The following CRYBA4 variants were observed in gnomAD, a reference collection of about 807,000 sequenced individuals.
CRYBA4 encodes crystallin beta A4, also known as beta-crystallin A4.
A neutral mutation model predicts 31.7 loss-of-function variants in CRYBA4; 30 were observed. The observed-to-expected ratio is 0.95, with a 90% CI of 0.71 to 1.28. The LOEUF (loss-of-function observed/expected upper bound fraction) is 1.28, where lower values mean the gene tolerates loss of function less well. Among genes scored for constraint, CRYBA4 ranks in the 50% most tolerant of loss-of-function variants. CRYBA4 has a pLI of 0.00. For synonymous variants in CRYBA4, 102 were observed against 102.3 expected (o/e 1.00, Z 0.02); for missense variants, 225 against 260.7 (o/e 0.86, Z 0.94).
chr22:26,622,506 C>G, intron 1 of CRYBA4, 79 bp from the exon 2 acceptor site: 1 of 1,276,292 alleles, frequency 7.8e-7, no homozygotes, highest in Non-Finnish European at 1.1e-6. Context: ...GGATCCTGAC[C>G]AGGTCCAAGC....
intron 4 of CRYBA4, among the ~76,000 whole-genome samples, chr22:26,627,359 C>CCCTCCCTCCCTCCCTCCTTCCTTT (rs1404229613): frequency 2.4e-5 from 1 of 41,820 alleles, no homozygotes; most frequent in Non-Finnish European, 4.1e-5. Flanking sequence ...CTCCCTCCCT[C>CCCTCCCTCCCTCCCTCCTTCCTTT]CTTTCTTTCT....
At chr22:26,619,325 A>G (rs1929459797), upstream of CRYBA4, among the ~76,000 whole-genome samples, 1 of 152,162 alleles carries the variant, frequency 6.6e-6, no homozygotes, top group Non-Finnish European at 1.5e-5. Flanking sequence ...AGGACGGAGG[A>G]ACAGACGCCA....
At chr22:26,607,463 G>A in the CRYBA4 span, among the ~76,000 whole-genome samples, 6 of 151,726 alleles carry the variant, frequency 4.0e-5, no homozygotes, top group East Asian at 1.9e-4. Context: ...AGGCCCAGGC[G>A]GGAGGATCAC....
At chr22:26,622,773 T>C (rs1276250144) in intron 2 of CRYBA4, 138 bp downstream of exon 2, 5 of 727,250 alleles carry the variant, frequency 6.9e-6, no homozygotes, top group African/African-American at 3.5e-5. Context: ...GGGACTTGTA[T>C]GTCACATACA....
intron 5 of CRYBA4, among the ~76,000 whole-genome samples, chr22:26,628,838 T>G (rs956797835): frequency 2.0e-5 from 3 of 152,162 alleles, no homozygotes; most frequent in Admixed American, 6.5e-5. Flanking sequence ...AGTGATTCTA[T>G]TAAAGGTTCC....
At chr22:26,603,022 G>C in the CRYBA4 span, among the ~76,000 whole-genome samples, 1 of 151,934 alleles carries the variant, frequency 6.6e-6, no homozygotes, top group Non-Finnish European at 1.5e-5. Flanking sequence ...CTACTTGGGA[G>C]GCTGAGGCAG....
At chr22:26,594,076 G>C in the CRYBA4 span, among the ~76,000 whole-genome samples, 1 of 152,148 alleles carries the variant, frequency 6.6e-6, no homozygotes, top group Admixed American at 6.5e-5. Flanking sequence ...GCAGTGGCTC[G>C]GCAGTGGGCA....
chr22:26,613,913 G>A, the CRYBA4 span, among the ~76,000 whole-genome samples: 2 of 152,134 alleles, frequency 1.3e-5, no homozygotes, highest in Admixed American at 6.5e-5. Context: ...AAGAGAATGC[G>A]CACCTGGGGT....
rs771368220 is a variant in CRYBA4 at position 26,630,483 on chromosome 22, A to G, written c.587A>G (p.Gln196Arg). The G allele has an allele frequency of 1.9e-6, 3 of 1,613,430 alleles. No individual in the cohort carries two copies. The highest frequency in any genetic ancestry group is 2.7e-5 in the African/African-American group (2 of 74,946). Residue 196 changes from glutamine (Q) to arginine (R), a missense_variant, in exon 6 of 6, where the codon CAG becomes CGG. Gln to Arg is a conservative substitution (Grantham distance 43). Transcript: ENST00000354760. ...FQVQSIRRIQ[Q>R] ...GTGCAGAGCATCCGCAGGATCCAGC[A>G]GTGAACAGGGGTGCGGCACGGAGGA...
At chr22:26,602,085 C>T in the CRYBA4 span, 14 of 1,596,084 alleles carry the variant, frequency 8.8e-6, no homozygotes, top group African/African-American at 1.3e-5. Context: ...AGAAACTTAG[C>T]GGGGCCTTCT....
At chr22:26,620,187 G>C (rs558679554), upstream of CRYBA4, among the ~76,000 whole-genome samples, 3 of 151,950 alleles carry the variant, frequency 2.0e-5, no homozygotes, top group East Asian at 1.9e-4. Context: ...ATGAACCCAG[G>C]CTCTTAAAAA....
At chr22:26,609,298 T>C in the CRYBA4 span, among the ~76,000 whole-genome samples, 1 of 152,206 alleles carries the variant, frequency 6.6e-6, no homozygotes, top group South Asian at 2.1e-4. Context: ...ATTAAAGATA[T>C]GTTTGTCTTC....
At chr22:26,591,509 G>A in the CRYBA4 span, among the ~76,000 whole-genome samples, 4,527 of 149,382 alleles carry the variant, frequency 0.03, 236 homozygotes, top group African/African-American at 0.1. Context: ...TTGGGAGGCC[G>A]ATGCGGGTGG....
chr22:26,611,054 G>A, the CRYBA4 span, among the ~76,000 whole-genome samples: 2 of 152,138 alleles, frequency 1.3e-5, no homozygotes, highest in East Asian at 3.8e-4. Flanking sequence ...TCTGCCCAAG[G>A]ATGACTATCC....
chr22:26,593,188 C>T, the CRYBA4 span, among the ~76,000 whole-genome samples: 1 of 152,312 alleles, frequency 6.6e-6, no homozygotes, highest in East Asian at 1.9e-4. Flanking sequence ...CCTATCTTCC[C>T]AGCATCTAGG....
the CRYBA4 span, among the ~76,000 whole-genome samples, chr22:26,591,268 C>T: frequency 3.3e-5 from 5 of 151,820 alleles, no homozygotes; most frequent in East Asian, 1.9e-4. Flanking sequence ...GTCAGGAGTT[C>T]GAGACCAGCC....
At chr22:26,602,582 C>A in the CRYBA4 span, among the ~76,000 whole-genome samples, 2 of 143,364 alleles carry the variant, frequency 1.4e-5, no homozygotes, top group African/African-American at 2.6e-5. Flanking sequence ...CAGAGCAAGA[C>A]CCTGTCTCAA....
At chr22:26,594,887 A>G in the CRYBA4 span, among the ~76,000 whole-genome samples, 1 of 152,200 alleles carries the variant, frequency 6.6e-6, no homozygotes, top group African/African-American at 2.4e-5. Context: ...TGAGCACCTG[A>G]TGAAATGAAA....
chr22:26,630,391 A>G lies in CRYBA4; in HGVS notation c.495A>G (p.Glu165=). 1 of 1,614,244 alleles carries G rather than the reference A, an allele frequency of 6.2e-7. No individual in the cohort carries two copies. The highest frequency in any genetic ancestry group is 8.5e-7 in the Non-Finnish European group (1 of 1,180,034). The change falls in exon 6 of 6, where the codon GAA becomes GAG. Residue 165 remains glutamate (E), a synonymous_variant. Coordinates refer to ENST00000354760, the MANE Select transcript of CRYBA4 (RefSeq NM_001886.3). ...ACCGAGGATTTCAGTATGTGCTGGA[A>G]TGCGATCACCATTCCGGTGACTACA... is the stretch of plus-strand genomic sequence containing the variant. ...PGYRGFQYVL[E]CDHHSGDYKH...
Sources: allele counts gnomAD v4.1 joint callset (sites outside exome capture counted in the v4.1 genomes callset), GRCh38; gene constraint gnomAD v4.1.1; transcripts MANE v1.5; gene names NCBI Gene and HGNC (gene_info 2026-07-23, HGNC 2026-07-21).